The following DOCK3 variants were observed in gnomAD, a reference collection of about 807,000 sequenced individuals.
DOCK3 encodes dedicator of cytokinesis protein 3.
A neutral mutation model predicts 265.6 loss-of-function variants in DOCK3; 60 were observed. The observed-to-expected ratio is 0.23, with a 90% confidence interval of 0.18 to 0.28. The LOEUF is 0.28. DOCK3 is among the 10% of genes least tolerant of loss of function. DOCK3 has a pLI of 1.00. For synonymous variants in DOCK3, 881 were observed against 938.0 expected, an observed-to-expected ratio of 0.94 and a Z score of 1.11; for missense variants, 1,981 against 2,594.3, an observed-to-expected ratio of 0.76 and a Z score of 5.14.
At chr3:51,281,297 A>ATATATATATATG (rs889323835) in intron 27 of DOCK3, among the ~76,000 whole-genome samples, 1 of 136,738 alleles carries the variant, frequency 7.3e-6, no homozygotes, top group African/African-American at 2.9e-5. Flanking sequence ...ATATATATAT[A>ATATATATATATG]TATATATATC....
chr3:51,366,559 T>C (rs138109393), intron 49 of DOCK3, among the ~76,000 whole-genome samples: 10,281 of 152,270 alleles, frequency 0.068, 917 homozygotes, highest in East Asian at 0.33. Flanking sequence ...CTTGCTTCTC[T>C]AGTTCTTTTA....
chr3:50,893,314 G>T, intron 4 of DOCK3: 1 of 230,922 alleles, frequency 4.3e-6, no homozygotes, highest in Non-Finnish European at 8.8e-6. Flanking sequence ...CAAAATAATA[G>T]TCTTAAAGAT....
intron 3 of DOCK3, among the ~76,000 whole-genome samples, chr3:50,884,708 T>G (rs2048237690): frequency 6.6e-6 from 1 of 152,180 alleles, no homozygotes; most frequent in South Asian, 2.1e-4. Context: ...TTGGAAAGTT[T>G]TGTGTCATTT....
At chr3:51,362,061 C>T (rs2086778339) in intron 48 of DOCK3, 64 bp downstream of exon 48, 2 of 1,531,570 alleles carry the variant, frequency 1.3e-6, no homozygotes, top group Non-Finnish European at 1.8e-6. Context: ...CTTGCTGTTG[C>T]AATGTCTAGT....
At chr3:51,057,498 G>A (rs1207877330) in intron 5 of DOCK3, among the ~76,000 whole-genome samples, 2 of 152,178 alleles carry the variant, frequency 1.3e-5, no homozygotes, top group Admixed American at 1.3e-4. Context: ...AACCTGTAGT[G>A]CCAACCTAAT....
At chr3:51,160,484 A>G (rs974331560) in intron 11 of DOCK3, 71 bp from the exon 12 acceptor site, 1 of 1,489,486 alleles carries the variant, frequency 6.7e-7, no homozygotes, top group South Asian at 1.4e-5. Flanking sequence ...GCATCCTTGG[A>G]TGACAATTAG....
chr3:51,205,880 T>A (rs976510607), intron 12 of DOCK3, among the ~76,000 whole-genome samples: 3 of 152,214 alleles, frequency 2.0e-5, no homozygotes, highest in Non-Finnish European at 2.9e-5. Context: ...CAGTCATGAG[T>A]AGACTGCAAA....
chr3:50,692,133 T>C (rs1169672260), intron 1 of DOCK3, among the ~76,000 whole-genome samples: 2 of 152,146 alleles, frequency 1.3e-5, no homozygotes, highest in Admixed American at 6.5e-5. Flanking sequence ...CCCAGACTGG[T>C]TTTGAACTTC....
chr3:51,315,080 T>C lies in DOCK3; in HGVS notation c.3354T>C (p.Phe1118=). Residue 1118 remains phenylalanine, a synonymous_variant, in exon 32 of 53, where the codon TTT becomes TTC. Transcript: ENST00000266037. ...PEVRNIMIPI[F]HDMMDWEQRK... ...TACGGAATATCATGATTCCCATCTT[T>C]CATGACATGATGGACTGGGAGCAGA... The C allele has an allele frequency of 1.2e-5, 19 of 1,612,724 alleles. No homozygotes were observed. The highest frequency in any genetic ancestry group is 1.5e-5 in the Non-Finnish European group (18 of 1,179,174).
rs945389911 is a variant in DOCK3, at chr3:51,144,114, CT to C, written c.747-2433del. ...TTGCTGAACGTACTATACACCCCCC[CT>C]TGATACCTTTATTTGAAATTAATTG... On this transcript the variant is annotated intron_variant, in intron 9 of 52. Coordinates refer to ENST00000266037, the MANE Select transcript of DOCK3 (RefSeq NM_004947.5). 2.6e-5 allele frequency among the ~76,000 whole-genome samples: 4 copies of C among 152,190 alleles called. No individual in the cohort carries two copies. In the South Asian group the frequency reaches 8.3e-4, roughly 31 times the overall value.
At chr3:50,746,923 G>A (rs1352430185) in intron 1 of DOCK3, among the ~76,000 whole-genome samples, 1 of 151,866 alleles carries the variant, frequency 6.6e-6, no homozygotes, top group Non-Finnish European at 1.5e-5. Context: ...CATGGGATTT[G>A]GAGGGAACAG....
intron 5 of DOCK3, among the ~76,000 whole-genome samples, chr3:50,983,272 G>A (rs2077764848): frequency 6.6e-6 from 1 of 152,168 alleles, no homozygotes; most frequent in African/African-American, 2.4e-5. Context: ...ACAGGAGGAG[G>A]CAGACAGGCT....
rs2087931359 is a variant in DOCK3 at position 51,374,453 on chromosome 3, T to C, written c.5294-16T>C. 1.2e-6 allele frequency: 2 copies of C among 1,606,668 alleles called. No individual in the cohort carries two copies. Among genetic ancestry groups the C allele is most frequent in the South Asian group, 2.2e-5 (2 of 89,510 alleles). ...TGGCTTGTCATCTGTGCTTGATTGT[T>C]CTCACTTGGTTACAGGCTCTCCCTC... On this transcript the variant is annotated splice_polypyrimidine_tract_variant and intron_variant, in intron 49 of 52. Transcript: ENST00000266037. The surrounding 1 kb of genome is among the most constrained non-coding windows in gnomAD (Gnocchi z 4.8).
At chr3:51,020,319 T>A (rs1016826026) in intron 5 of DOCK3, among the ~76,000 whole-genome samples, 5 of 151,788 alleles carry the variant, frequency 3.3e-5, no homozygotes, top group African/African-American at 1.2e-4. Flanking sequence ...GTGGGGTTGT[T>A]TGTTTTTTTC....
intron 3 of DOCK3, among the ~76,000 whole-genome samples, chr3:50,859,950 G>A (rs1172140139): frequency 6.6e-6 from 1 of 152,168 alleles, no homozygotes; most frequent in African/African-American, 2.4e-5. Flanking sequence ...CTGCAGCTCT[G>A]TGCCGAGTGT....
chr3:50,973,436 G>A (rs1346189007), intron 5 of DOCK3, among the ~76,000 whole-genome samples: 3 of 141,322 alleles, frequency 2.1e-5, no homozygotes, highest in East Asian at 2.2e-4. Context: ...ATGATTTCCA[G>A]TTTCATCCAT....
At chr3:51,340,891 G>A (rs1406751754) in intron 37 of DOCK3, among the ~76,000 whole-genome samples, 13 of 152,224 alleles carry the variant, frequency 8.5e-5, no homozygotes, top group Admixed American at 8.5e-4. Context: ...GAGCAAAAAG[G>A]AACCCAAGAG....
intron 14 of DOCK3, among the ~76,000 whole-genome samples, chr3:51,216,301 A>G (rs541198225): frequency 1.3e-5 from 2 of 152,304 alleles, no homozygotes; most frequent in East Asian, 1.9e-4. Flanking sequence ...CTTTTTTAGG[A>G]TACTCTGCAT....
intron 10 of DOCK3, among the ~76,000 whole-genome samples, chr3:51,149,810 T>G (rs188759361): frequency 1.6e-4 from 24 of 152,270 alleles, no homozygotes; most frequent in Non-Finnish European, 2.8e-4. Flanking sequence ...TTTTTTGTTG[T>G]TGTGTCTCTG....
Sources: allele counts gnomAD v4.1 joint callset (sites outside exome capture counted in the v4.1 genomes callset), GRCh38; gene constraint gnomAD v4.1.1; non-coding constraint Gnocchi (gnomAD v3.1); transcripts MANE v1.5; gene names NCBI Gene and HGNC (gene_info 2026-07-23, HGNC 2026-07-21).